The following IL16 variants were observed in gnomAD, a reference collection of about 807,000 sequenced individuals.
The protein encoded by IL16 is pro-interleukin-16.
In IL16, 67 loss-of-function variants were observed where a neutral mutation model predicts 110.1. That is an observed-to-expected ratio of 0.61 (90% CI 0.50 to 0.75). The LOEUF (loss-of-function observed/expected upper bound fraction) is 0.75. Ranked by LOEUF, IL16 falls within the 30% of genes least tolerant of loss-of-function variation. IL16 has a pLI of 0.00. For synonymous variants in IL16, 689 were observed against 662.9 expected, an observed-to-expected ratio of 1.04 and a Z score of -0.61; for missense variants, 1,545 against 1,655.0, an observed-to-expected ratio of 0.93 and a Z score of 1.15.
chr15:81,232,627 T>C (rs891364609), intron 2 of IL16, among the ~76,000 whole-genome samples: 11 of 152,230 alleles, frequency 7.2e-5, no homozygotes, highest in African/African-American at 2.7e-4. Flanking sequence ...GTATGGAGTT[T>C]TATACTTTAC....
intron 6 of IL16, among the ~76,000 whole-genome samples, chr15:81,276,254 CCT>C (rs1355118585): frequency 6.6e-6 from 1 of 152,218 alleles, no homozygotes; most frequent in Non-Finnish European, 1.5e-5. Context: ...GCCTCCAGCC[CCT>C]GTTTCCAATA....
rs574399768 is a variant in IL16, at chr15:81,307,975, A to G, written c.3806-630A>G. Among the ~76,000 whole-genome samples, 9 of 152,288 alleles carry G rather than the reference A, an allele frequency of 5.9e-5. No homozygotes were observed. In the East Asian group the frequency reaches 1.5e-3, roughly 26 times the overall value. On this transcript the variant is annotated intron_variant, in intron 18 of 18. Transcript: ENST00000683961. Reference sequence around the variant, plus strand: ...ATTACTATCATTAGTATTATCTTCTACTCTTATCAGGATTTGTGAAGATCA... The same window carrying G: ...ATTACTATCATTAGTATTATCTTCTGCTCTTATCAGGATTTGTGAAGATCA...
intron 9 of IL16, among the ~76,000 whole-genome samples, chr15:81,284,250 G>T (rs1899336916): frequency 6.6e-6 from 1 of 152,146 alleles, no homozygotes; most frequent in South Asian, 2.1e-4. Flanking sequence ...ATCTCTCACT[G>T]GTTTTGGGTT....
At chr15:81,257,200 T>G (rs571713865) in intron 2 of IL16, among the ~76,000 whole-genome samples, 1 of 152,328 alleles carries the variant, frequency 6.6e-6, no homozygotes, top group South Asian at 2.1e-4. Context: ...TCCTTCAGGA[T>G]GAGTTCTCTA....
chr15:81,196,542 GCATGTGATGAGGTTTA>G (rs1215643945), upstream of IL16, among the ~76,000 whole-genome samples: 3 of 152,228 alleles, frequency 2.0e-5, no homozygotes, highest in African/African-American at 7.2e-5. Context: ...ACAGCTTCCA[GCATGTGATGAGGTTTA>G]TAGAAAGCTC....
chr15:81,295,411 C>G (rs577650293), intron 12 of IL16: 6 of 1,285,924 alleles, frequency 4.7e-6, no homozygotes, highest in Non-Finnish European at 6.1e-6. Flanking sequence ...TTGTGCTGTT[C>G]TAAGTTGTAA....
intron 13 of IL16, 155 bp from the exon 14 acceptor site, chr15:81,299,225 A>G: frequency 1.1e-5 from 13 of 1,193,726 alleles, no homozygotes; most frequent in Middle Eastern, 3.8e-4. Flanking sequence ...TCAGTCAGGT[A>G]ATAGCACCTG....
intron 3 of IL16, among the ~76,000 whole-genome samples, chr15:81,263,346 A>ATTTTTTTTGTT (rs1567024238): frequency 9.1e-6 from 1 of 109,792 alleles, no homozygotes; most frequent in African/African-American, 4.7e-5. Flanking sequence ...TTCAAAAACT[A>ATTTTTTTTGTT]TTTTTTTTTG....
intron 5 of IL16, among the ~76,000 whole-genome samples, chr15:81,271,259 TAAATA>T (rs1178661899): frequency 8.4e-5 from 12 of 142,708 alleles, no homozygotes; most frequent in African/African-American, 3.3e-4. Flanking sequence ...TCTACAAAAA[TAAATA>T]AAATAAAATA....
intron 2 of IL16, among the ~76,000 whole-genome samples, chr15:81,258,753 C>CTCTCTCTCTG (rs1414688337): frequency 2.1e-5 from 3 of 145,720 alleles, no homozygotes; most frequent in African/African-American, 7.9e-5. Context: ...CTCTCTGTCA[C>CTCTCTCTCTG]TCGCTCTCTC....
intron 2 of IL16, among the ~76,000 whole-genome samples, chr15:81,235,879 C>T (rs888070318): frequency 1.3e-5 from 2 of 152,152 alleles, no homozygotes; most frequent in African/African-American, 4.8e-5. Flanking sequence ...CATGGCTTTA[C>T]ACTGAATATT....
chr15:81,307,440 G>A (rs924027652), intron 18 of IL16, among the ~76,000 whole-genome samples: 5 of 152,188 alleles, frequency 3.3e-5, no homozygotes, highest in African/African-American at 9.7e-5. Context: ...GCTGCTGACT[G>A]GTTTCGTTAG....
At chr15:81,198,206 C>A (rs967986759) in intron 1 of IL16, among the ~76,000 whole-genome samples, 1 of 152,044 alleles carries the variant, frequency 6.6e-6, no homozygotes, top group African/African-American at 2.4e-5. Flanking sequence ...AAACTTAGTA[C>A]CCCAACCATT....
intron 9 of IL16, among the ~76,000 whole-genome samples, chr15:81,283,030 C>A (rs116120605): frequency 0.023 from 3,568 of 152,262 alleles, 145 homozygotes; most frequent in African/African-American, 0.082. Flanking sequence ...CTCTCCAGGC[C>A]ACTGGGAGGG....
intron 12 of IL16, among the ~76,000 whole-genome samples, chr15:81,294,490 C>T (rs1899890762): frequency 1.3e-5 from 2 of 152,146 alleles, no homozygotes; most frequent in Admixed American, 6.5e-5. Context: ...GGAATATTCC[C>T]GAGTAAGGCG....
At chr15:81,283,174 G>A (rs1399471700) in intron 9 of IL16, among the ~76,000 whole-genome samples, 4 of 152,152 alleles carry the variant, frequency 2.6e-5, no homozygotes, top group South Asian at 2.1e-4. Context: ...ACCACATCCC[G>A]CTGTGGCCAG....
At chr15:81,210,569 T>G (rs1252126372) in intron 1 of IL16, among the ~76,000 whole-genome samples, 2 of 152,232 alleles carry the variant, frequency 1.3e-5, no homozygotes, top group Non-Finnish European at 2.9e-5. Flanking sequence ...CTTGTAGAGA[T>G]CTTTCACCTT....
At chr15:81,275,879 T>G (rs1198224454) in intron 6 of IL16, among the ~76,000 whole-genome samples, 2 of 152,212 alleles carry the variant, frequency 1.3e-5, no homozygotes, top group Non-Finnish European at 2.9e-5. Flanking sequence ...TTTATTCCCC[T>G]TCCAAGAAAC....
intron 11 of IL16, among the ~76,000 whole-genome samples, chr15:81,290,797 C>T (rs1045205233): frequency 1.3e-5 from 2 of 152,142 alleles, no homozygotes; most frequent in Non-Finnish European, 2.9e-5. Context: ...CTCCAGCTCC[C>T]GGTGGTCTCC....
Sources: gnomAD v4.1 joint callset for allele counts (sites outside exome capture counted in the v4.1 genomes callset) on GRCh38, gnomAD v4.1.1 for gene constraint, MANE v1.5 for transcripts, NCBI Gene and HGNC (gene_info 2026-07-23, HGNC 2026-07-21) for gene names.